Variants in RNLS observed in about 807,000 individuals in gnomAD.
RNLS encodes renalase.
Under a neutral mutation model 39.8 loss-of-function variants are expected in RNLS, and 39 were observed. The ratio of observed to expected loss-of-function variants is 0.98; its 90% confidence interval spans 0.76 to 1.28. The LOEUF (loss-of-function observed/expected upper bound fraction) is 1.28, where lower values mean the gene tolerates loss of function less well. Among genes scored for constraint, RNLS ranks in the 50% most tolerant of loss-of-function variants. The pLI, the probability that RNLS is intolerant of heterozygous loss-of-function variation, is 0.00. For synonymous variants in RNLS, 147 were observed against 150.7 expected (o/e 0.98, Z 0.18); for missense variants, 410 against 413.3 (o/e 0.99, Z 0.07).
intron 6 of RNLS, among the ~76,000 whole-genome samples, chr10:88,294,547 C>T (rs1843930241): frequency 6.6e-6 from 1 of 151,994 alleles, no homozygotes; most frequent in South Asian, 2.1e-4. Context: ...TAACGTTCTC[C>T]TATTTTTAAA....
chr10:88,352,476 G>A (rs1433501154), intron 5 of RNLS, among the ~76,000 whole-genome samples: 1 of 152,160 alleles, frequency 6.6e-6, no homozygotes, highest in Non-Finnish European at 1.5e-5. Context: ...TTTTGTCTTT[G>A]GTTCTGTTTA....
At chr10:88,262,056 G>A in the RNLS span, among the ~76,000 whole-genome samples, 2 of 152,296 alleles carry the variant, frequency 1.3e-5, no homozygotes, top group Non-Finnish European at 1.5e-5. Flanking sequence ...ACACAGAGGC[G>A]GAGGCAGGAG....
At chr10:88,358,019 C>T (rs751741689) in intron 5 of RNLS, among the ~76,000 whole-genome samples, 14 of 152,128 alleles carry the variant, frequency 9.2e-5, no homozygotes, top group African/African-American at 1.2e-4. Flanking sequence ...AAAACACTAG[C>T]GTTACAAATA....
At chr10:88,543,644 C>T (rs966619862) in intron 4 of RNLS, among the ~76,000 whole-genome samples, 1 of 152,078 alleles carries the variant, frequency 6.6e-6, no homozygotes, top group Non-Finnish European at 1.5e-5. Flanking sequence ...TTAAAAGGTA[C>T]TAAGTACACA....
intron 4 of RNLS, among the ~76,000 whole-genome samples, chr10:88,410,763 T>A (rs1356364859): frequency 6.6e-6 from 1 of 152,154 alleles, no homozygotes; most frequent in Non-Finnish European, 1.5e-5. Flanking sequence ...GGTGCTTGTA[T>A]CTTCATTCAA....
At chr10:88,398,528 A>C (rs1357258786) in intron 4 of RNLS, among the ~76,000 whole-genome samples, 2 of 152,042 alleles carry the variant, frequency 1.3e-5, no homozygotes, top group Non-Finnish European at 2.9e-5. Flanking sequence ...TAAAAGGGTC[A>C]GTTCCTCCAG....
intron 4 of RNLS, among the ~76,000 whole-genome samples, chr10:88,454,367 TTTCCC>T (rs1201935891): frequency 1.3e-5 from 2 of 152,166 alleles, no homozygotes; most frequent in African/African-American, 2.4e-5. Flanking sequence ...AGATCCACCT[TTTCCC>T]TTAGGTAGTT....
intron 4 of RNLS, among the ~76,000 whole-genome samples, chr10:88,447,103 A>G (rs1413013960): frequency 6.6e-6 from 1 of 152,216 alleles, no homozygotes; most frequent in African/African-American, 2.4e-5. Context: ...AAACTGGCAC[A>G]CGACAGGGAT....
chr10:88,187,177 TAATATATATAATATATATAA>T, the RNLS span, among the ~76,000 whole-genome samples: 3 of 67,774 alleles, frequency 4.4e-5, no homozygotes. Context: ...AATATATATA[TAATATATATAATATATATAA>T]TATATATATA....
chr10:88,524,983 A>ATG (rs1386942267), intron 4 of RNLS, among the ~76,000 whole-genome samples: 1 of 134,226 alleles, frequency 7.5e-6, no homozygotes, highest in Admixed American at 7.5e-5. Flanking sequence ...ATATATATAT[A>ATG]TATATATATA....
chr10:88,374,897 G>A (rs1030683094), intron 4 of RNLS, among the ~76,000 whole-genome samples: 1 of 152,058 alleles, frequency 6.6e-6, no homozygotes, highest in African/African-American at 2.4e-5. Context: ...CTGGCTTGAT[G>A]TCCATCTGAT....
At chr10:88,441,899 T>C (rs1841734791) in intron 4 of RNLS, among the ~76,000 whole-genome samples, 2 of 152,206 alleles carry the variant, frequency 1.3e-5, no homozygotes, top group African/African-American at 4.8e-5. Flanking sequence ...TGCCTTCCTT[T>C]ACCCATGCAG....
rs1282995202 is a variant in RNLS at position 88,362,618 on chromosome 10, C to A, written c.634G>T (p.Gly212Trp). ...CAGGGATTACTGGTGATGTACTGCC[C>A]AGCCCAAGGGACATCAATCTTCGTA... Reference protein sequence around the residue: ...AGTKIDVPWAGQYITSNPCIR... With the variant: ...AGTKIDVPWAWQYITSNPCIR... The change falls in exon 5 of 7, where the codon GGG becomes TGG. Residue 212 changes from glycine (G) to tryptophan (W), a missense_variant. Coordinates refer to ENST00000331772, the MANE Select transcript of RNLS (RefSeq NM_001031709.3). 4 of 1,613,906 alleles carry A rather than the reference C, an allele frequency of 2.5e-6. No homozygotes were observed. The highest frequency in any genetic ancestry group is 2.2e-5 in the East Asian group (1 of 44,880).
intron 4 of RNLS, among the ~76,000 whole-genome samples, chr10:88,504,704 C>T (rs990472949): frequency 1.3e-5 from 2 of 152,080 alleles, no homozygotes; most frequent in Admixed American, 1.3e-4. Context: ...AGACTGTATA[C>T]ACTCTACTAA....
intron 5 of RNLS, among the ~76,000 whole-genome samples, chr10:88,346,507 C>T (rs539465999): frequency 2.6e-5 from 4 of 152,198 alleles, no homozygotes; most frequent in South Asian, 4.1e-4. Context: ...AGCAATTAAA[C>T]GAAGAGCTTA....
At chr10:88,550,020 C>T (rs1236274472) in intron 4 of RNLS, among the ~76,000 whole-genome samples, 1 of 152,158 alleles carries the variant, frequency 6.6e-6, no homozygotes, top group Non-Finnish European at 1.5e-5. Flanking sequence ...CACATACAAT[C>T]TCTAAAGTTT....
the RNLS span, among the ~76,000 whole-genome samples, chr10:88,263,088 G>A: frequency 2.0e-5 from 3 of 152,056 alleles, no homozygotes; most frequent in Non-Finnish European, 4.4e-5. Flanking sequence ...GCAATATGTG[G>A]TCTAGCACAC....
At chr10:88,359,469 A>G (rs1589644566) in intron 5 of RNLS, among the ~76,000 whole-genome samples, 2 of 152,358 alleles carry the variant, frequency 1.3e-5, no homozygotes, top group South Asian at 2.1e-4. Flanking sequence ...AATAGTTTAA[A>G]TGCAAAGCAG....
chr10:88,546,732 A>G (rs1447056523), intron 4 of RNLS, among the ~76,000 whole-genome samples: 1 of 152,202 alleles, frequency 6.6e-6, no homozygotes, highest in Non-Finnish European at 1.5e-5. Flanking sequence ...GTCAATAATT[A>G]AACAAGAAAT....
Sources: allele counts gnomAD v4.1 joint callset (sites outside exome capture counted in the v4.1 genomes callset), GRCh38; gene constraint gnomAD v4.1.1; transcripts MANE v1.5; gene names NCBI Gene and HGNC (gene_info 2026-07-23, HGNC 2026-07-21).